ZNF37A: variants seen among roughly 807,000 people sequenced by gnomAD.
ZNF37A encodes zinc finger protein 37a (KOX 21).
In ZNF37A, 10 loss-of-function variants were observed where a neutral mutation model predicts 12.3. The observed-to-expected ratio is 0.82, with a 90% CI of 0.50 to 1.38. ZNF37A has a LOEUF of 1.38. Ranked by LOEUF, ZNF37A falls within the 40% of genes most tolerant of loss-of-function variation. The pLI is 0.00. For synonymous variants in ZNF37A, 207 were observed against 223.0 expected (o/e 0.93, Z 0.64); for missense variants, 580 against 651.2 (o/e 0.89, Z 1.19).
At chr10:38,138,570 A>T (rs1204002348) in intron 7 of ZNF37A, 1 of 152,212 alleles carries the variant, frequency 6.6e-6, no homozygotes, top group Non-Finnish European at 1.5e-5. Context: ...CTTATATTGG[A>T]CTAAGGTTAG....
rs1398992687 is a variant in ZNF37A, at chr10:38,096,759, C to T, written c.15+127C>T. ...ATAGAGGAGAGGTCACATTACATTT[C>T]ATGGGTCAAATGCAGCCTGCCGCAT... On this transcript the variant is annotated intron_variant, in intron 5 of 7. Coordinates refer to ENST00000685332, the MANE Select transcript of ZNF37A (RefSeq NM_001324250.3). 76 of 867,106 alleles carry T rather than the reference C, an allele frequency of 8.8e-5. No homozygotes were observed. The South Asian group carries it at 1.4e-3, about 16-fold the overall frequency. The allele number at this position is 867,106 out of a possible 1,614,324, so 53.7% of individuals were successfully genotyped here.
intron 5 of ZNF37A, among the ~76,000 whole-genome samples, chr10:38,107,601 C>G (rs1398750449): frequency 6.6e-6 from 1 of 152,180 alleles, no homozygotes; most frequent in African/African-American, 2.4e-5. Context: ...GTGCTGTATT[C>G]AGGAGACCCA....
intron 5 of ZNF37A, among the ~76,000 whole-genome samples, chr10:38,102,397 G>C (rs536610743): frequency 1.3e-5 from 2 of 151,928 alleles, no homozygotes; most frequent in East Asian, 3.9e-4. Context: ...TAACAATCTA[G>C]CTTGCATTAA....
Position 38,118,553 on chromosome 10 carries a change from G to T in ZNF37A, c.1402G>T (p.Gly468Ter), listed in dbSNP as rs2069483450. ...AAGACACACAGGGGAGAAACCTTTT[G>T]GATGTAATGAATGTGGGAAAACCTT... ...LRRHTGEKPF[G>*]CNECGKTFRQ... The change falls in exon 8 of 8, where the codon GGA becomes TGA. Residue 468 changes from glycine (G) to a stop codon, truncating the protein, a stop_gained. Transcript: ENST00000685332. LOFTEE classifies it low-confidence loss of function (END_TRUNC). 1 of 1,613,966 alleles carries T rather than the reference G, an allele frequency of 6.2e-7. No homozygotes were observed. Among genetic ancestry groups the T allele is most frequent in the Non-Finnish European group, 8.5e-7 (1 of 1,179,944 alleles).
chr10:38,118,139 C>A lies in ZNF37A; in HGVS notation c.988C>A (p.His330Asn), dbSNP rs2069433519. The change falls in exon 8 of 8, where the codon CAT (histidine) becomes AAT (asparagine). Residue 330 changes from histidine to asparagine, a missense_variant. Physicochemically the swap from His to Asn is moderately conservative, Grantham distance 68 (BLOSUM62 1). Transcript: ENST00000685332. ...IHTGERPYGC[H>N]ECGKSFSEKS... ...TACAGGGGAGAGACCTTATGGATGT[C>A]ATGAATGTGGGAAATCCTTCAGTGA... The A allele has an allele frequency of 6.2e-7, 1 of 1,613,506 alleles. No individual in the cohort carries two copies. Among genetic ancestry groups the A allele is most frequent in the African/African-American group, 1.3e-5 (1 of 74,812 alleles).
At chr10:38,111,909 A>T (rs184026855) in intron 5 of ZNF37A, among the ~76,000 whole-genome samples, 153 of 141,470 alleles carry the variant, frequency 1.1e-3, no homozygotes, top group South Asian at 4.1e-3. Flanking sequence ...GTTTCTGCTG[A>T]TGATCTTTTT....
Position 38,119,595 on chromosome 10 carries a change from A to AAAT in ZNF37A, c.*760_*762dup. The AAAT allele has an allele frequency of 5.4e-6, 1 of 186,026 alleles. No homozygotes were observed. The highest frequency in any genetic ancestry group is 1.0e-5 in the Non-Finnish European group (1 of 99,016). The allele number at this position is 186,026 out of a possible 1,614,324, so 11.5% of individuals were successfully genotyped here. A position where few individuals can be genotyped will look rare whatever the true frequency, so the allele number is the denominator to read the frequency against. ...ATGTGGAAAAAATATTTTTATTGAG[A>AAAT]AATAGCATTTTACTTTGTTAATATC... On this transcript the variant is annotated 3_prime_UTR_variant, in exon 8 of 8. Coordinates refer to ENST00000685332, the MANE Select transcript of ZNF37A (RefSeq NM_001324250.3).
chr10:38,116,281 A>G (rs1181954707), intron 7 of ZNF37A, among the ~76,000 whole-genome samples: 2 of 152,216 alleles, frequency 1.3e-5, no homozygotes, highest in African/African-American at 4.8e-5. Context: ...TGTTGAACAA[A>G]AACAGAACTG....
chr10:38,135,480 A>G (rs1336143011), intron 7 of ZNF37A, among the ~76,000 whole-genome samples: 7 of 152,244 alleles, frequency 4.6e-5, no homozygotes, highest in Admixed American at 1.3e-4. Context: ...GCTTAATAAT[A>G]TAGATTACTA....
In ZNF37A at chr10:38,118,548, C is replaced by G. The variant is rs555065214; in HGVS notation, c.1397C>G (p.Pro466Arg). The G allele has an allele frequency of 2.2e-5, 35 of 1,613,986 alleles. No individual in the cohort carries two copies. The highest frequency in any genetic ancestry group is 8.3e-5 in the Admixed American group (5 of 59,954). ...EHLRRHTGEK[P>R]FGCNECGKTF... ...CTGAGAAGACACACAGGGGAGAAAC[C>G]TTTTGGATGTAATGAATGTGGGAAA... The change falls in exon 8 of 8, where the codon CCT (proline) becomes CGT (arginine). Residue 466 changes from proline (P) to arginine (R), a missense_variant. Transcript: ENST00000685332.
intron 5 of ZNF37A, among the ~76,000 whole-genome samples, chr10:38,102,702 T>C (rs1259783842): frequency 6.6e-6 from 1 of 152,244 alleles, no homozygotes; most frequent in African/African-American, 2.4e-5. Flanking sequence ...TGTTTCAACC[T>C]GAGGGACTTC....
At chr10:38,124,705 T>C (rs2069894819), downstream of ZNF37A, 1 of 152,200 alleles carries the variant, frequency 6.6e-6, no homozygotes, top group Admixed American at 6.6e-5. Context: ...TATTTATTCT[T>C]AGTACTGGAA....
chr10:38,112,742 T>TGTC (rs201023807), intron 5 of ZNF37A, among the ~76,000 whole-genome samples: 1 of 70,934 alleles, frequency 1.4e-5, no homozygotes, highest in Non-Finnish European at 2.9e-5. Flanking sequence ...TTTCTTTTCT[T>TGTC]TTCTTTTCTT....
chr10:38,147,987 A>G (rs1460176592), exon 8 of ZNF37A: 3 of 152,234 alleles, frequency 2.0e-5, no homozygotes, highest in Non-Finnish European at 2.9e-5. Flanking sequence ...GAAGAAAATA[A>G]CACATAGATA....
chr10:38,106,172 G>C (rs1431162054), intron 5 of ZNF37A, among the ~76,000 whole-genome samples: 2 of 152,144 alleles, frequency 1.3e-5, no homozygotes, highest in African/African-American at 4.8e-5. Flanking sequence ...TTGCTGTTTG[G>C]CAGCCTCCAC....
chr10:38,121,543 G>C lies in ZNF37A; in HGVS notation c.*2706G>C, dbSNP rs2069697952. Reference sequence around the variant, plus strand: ...CTGAGGGTGAGGTGTGGAAGGGACAGGGGGAGGAGATGGGCAGCATTGTTG... The same window carrying C: ...CTGAGGGTGAGGTGTGGAAGGGACACGGGGAGGAGATGGGCAGCATTGTTG... On this transcript the variant is annotated 3_prime_UTR_variant, in exon 8 of 8. Coordinates refer to ENST00000685332, the MANE Select transcript of ZNF37A (RefSeq NM_001324250.3). 1 of 152,426 alleles carries C rather than the reference G, an allele frequency of 6.6e-6. No individual in the cohort carries two copies. The highest frequency in any genetic ancestry group is 1.5e-5 in the Non-Finnish European group (1 of 68,082). The allele number at this position is 152,426 out of a possible 1,614,324, so 9.4% of individuals were successfully genotyped here. A position where few individuals can be genotyped will look rare whatever the true frequency, so the allele number is the denominator to read the frequency against.
In ZNF37A at chr10:38,118,180, T is replaced by G. The variant is rs2069436951; in HGVS notation, c.1029T>G (p.Thr343=). ...GKSFSEKSTL[T]QHQRTHTGEK... The stretch of plus-strand genomic sequence containing the variant: ...CCTTCAGTGAAAAGTCAACCCTTAC[T>G]CAACATCAAAGAACGCACACAGGGG... The change falls in exon 8 of 8, where the codon ACT becomes ACG. Residue 343 remains threonine, a synonymous_variant. Transcript: ENST00000685332. 1.2e-6 allele frequency: 2 copies of G among 1,613,828 alleles called. No homozygotes were observed. Among genetic ancestry groups the G allele is most frequent in the Non-Finnish European group, 1.7e-6 (2 of 1,179,936 alleles).
At chr10:38,145,853 A>G (rs527309320) in intron 7 of ZNF37A, among the ~76,000 whole-genome samples, 17 of 152,270 alleles carry the variant, frequency 1.1e-4, no homozygotes, top group African/African-American at 4.1e-4. Context: ...AATCCCAGCA[A>G]TTTGGGAGGC....
chr10:38,129,284 T>A (rs1283378471), downstream of ZNF37A, among the ~76,000 whole-genome samples: 3 of 80,052 alleles, frequency 3.7e-5, no homozygotes, highest in Admixed American at 2.6e-4. Context: ...CCAGCCTGGG[T>A]GACAGAGCAA....
Sources: allele counts gnomAD v4.1 joint callset (sites outside exome capture counted in the v4.1 genomes callset), GRCh38; gene constraint gnomAD v4.1.1; transcripts MANE v1.5; gene names NCBI Gene and HGNC (gene_info 2026-07-23, HGNC 2026-07-21).